The following CHIC1 variants were observed in gnomAD, a reference collection of about 807,000 sequenced individuals.
The protein encoded by CHIC1 is cysteine-rich hydrophobic domain-containing protein 1.
In CHIC1, 7 loss-of-function variants were observed where a neutral mutation model predicts 18.5. The ratio of observed to expected loss-of-function variants is 0.38; its 90% confidence interval spans 0.22 to 0.71. CHIC1 has a LOEUF of 0.71. Among genes scored for constraint, CHIC1 ranks in the 30% least tolerant of loss-of-function variants. The probability of loss-of-function intolerance (pLI) is 0.49; values close to 1 mark genes in which losing one functional copy is unlikely to be tolerated. For missense variants in CHIC1, 159 were observed against 176.9 expected, an observed-to-expected ratio of 0.90 and a Z score of 0.57; for synonymous variants, 77 against 73.5, an observed-to-expected ratio of 1.05 and a Z score of -0.25.
intron 3 of CHIC1, among the ~76,000 whole-genome samples, chrX:73,676,451 G>A (rs12556601): frequency 0.21 from 23,449 of 109,895 alleles, 2,386 homozygotes; most frequent in African/African-American, 0.38. Context: ...TTTTTTCTCT[G>A]AACTTCTCTT....
chrX:73,655,309 T>C (rs1287311365), intron 3 of CHIC1, among the ~76,000 whole-genome samples: 1 of 104,547 alleles, frequency 9.6e-6, no homozygotes, highest in Non-Finnish European at 2.0e-5. Context: ...TGTGTGTATG[T>C]ATATATATAC....
rs1372127738 is a variant in CHIC1, at chrX:73,605,342, A to G, written c.507+20770A>G. 3.7e-5 allele frequency among the ~76,000 whole-genome samples: 4 copies of G among 106,791 alleles called. 1 individual carries two copies. Among genetic ancestry groups the G allele is most frequent in the African/African-American group, 1.5e-4 (4 of 27,276 alleles). 92.7% of individuals were successfully genotyped at this position (106,791 alleles called of 115,157 possible). A position where few individuals can be genotyped will look rare whatever the true frequency, so the allele number is the denominator to read the frequency against. On this transcript the variant is annotated intron_variant, in intron 3 of 5. Transcript: ENST00000373502. ...CAACTCCTGCTTTTTTTGGCCTTCT[A>G]TTTGCTTGGTAAATATTTCTGCATC...
At chrX:73,663,644 C>T (rs1329628517) in intron 3 of CHIC1, among the ~76,000 whole-genome samples, 1 of 110,844 alleles carries the variant, frequency 9.0e-6, no homozygotes, top group African/African-American at 3.3e-5. Context: ...ATGTCCGCCC[C>T]TGTGTCCAAT....
intron 3 of CHIC1, among the ~76,000 whole-genome samples, chrX:73,611,002 T>C (rs1435065784): frequency 9.2e-6 from 1 of 108,126 alleles, no homozygotes; most frequent in Non-Finnish European, 1.9e-5. Context: ...ATTTTGTTTC[T>C]CTTTTTAGAA....
chrX:73,601,240 A>T (rs1360741322), intron 3 of CHIC1, among the ~76,000 whole-genome samples: 2 of 105,127 alleles, frequency 1.9e-5, no homozygotes, highest in East Asian at 5.9e-4. Context: ...TCTCCACCCC[A>T]AATCAACAGA....
intron 2 of CHIC1, among the ~76,000 whole-genome samples, chrX:73,578,024 C>T (rs2057508584): frequency 9.2e-6 from 1 of 108,965 alleles, no homozygotes; most frequent in South Asian, 3.8e-4. Flanking sequence ...ATTTAAAGAC[C>T]TAATGCACAG....
At chrX:73,572,730 G>T (rs983587492) in intron 1 of CHIC1, among the ~76,000 whole-genome samples, 3 of 111,149 alleles carry the variant, frequency 2.7e-5, no homozygotes, top group African/African-American at 6.5e-5. Flanking sequence ...TCATATGTTT[G>T]TTGGCCACTT....
At chrX:73,565,606 CAT>C (rs1418923686) in intron 1 of CHIC1, among the ~76,000 whole-genome samples, 5 of 111,966 alleles carry the variant, frequency 4.5e-5, no homozygotes, top group Non-Finnish European at 7.5e-5. Flanking sequence ...CTAGAAATCA[CAT>C]ATGATATTAA....
chrX:73,564,349 A>G (rs949609613), intron 1 of CHIC1, among the ~76,000 whole-genome samples: 3 of 112,214 alleles, frequency 2.7e-5, no homozygotes, highest in Non-Finnish European at 5.6e-5. Flanking sequence ...CAAGTATGAA[A>G]TATACAGGCA....
intron 1 of CHIC1, among the ~76,000 whole-genome samples, chrX:73,567,303 T>C (rs2057449431): frequency 9.1e-6 from 1 of 109,955 alleles, no homozygotes; most frequent in Non-Finnish European, 1.9e-5. Context: ...AAATTTGACA[T>C]AAACAAAAAC....
chrX:73,584,601 A>T, intron 3 of CHIC1, 29 bp downstream of exon 3: 1 of 1,041,906 alleles, frequency 9.6e-7, no homozygotes, highest in Non-Finnish European at 1.3e-6. Flanking sequence ...GTATAATAAT[A>T]ATAATAACTA....
chrX:73,682,241 A>C lies in CHIC1; in HGVS notation c.*1236A>C, dbSNP rs2058102147. The C allele has an allele frequency of 8.9e-6, 1 of 111,993 alleles. No individual in the cohort carries two copies. The highest frequency in any genetic ancestry group is 9.5e-5 in the Admixed American group (1 of 10,531). 9.2% of individuals were successfully genotyped at this position (111,993 alleles called of 1,213,427 possible). ...TTAGACAAAAGTATTTTAGTTTATA[A>C]ATTCAGCACATATGTAACATTTATT... On this transcript the variant is annotated 3_prime_UTR_variant, in exon 6 of 6. Transcript: ENST00000373502.
intron 1 of CHIC1, among the ~76,000 whole-genome samples, chrX:73,576,963 T>C (rs889838402): frequency 1.8e-5 from 2 of 110,390 alleles, no homozygotes; most frequent in African/African-American, 6.5e-5. Flanking sequence ...GTATTAGTTG[T>C]GGAGGGGTAG....
Position 73,577,432 on chromosome X carries a change from A to G in CHIC1, c.322A>G (p.Thr108Ala). Residue 108 changes from threonine to alanine, a missense_variant, in exon 2 of 6, where the codon ACT becomes GCT. By Grantham distance (58) the Thr-to-Ala change is moderately conservative. Transcript: ENST00000373502. ...TVFGLSNKFD[T>A]EFPSVLTGKV... The stretch of plus-strand genomic sequence containing the variant: ...GTTTGGCTTGAGCAACAAGTTTGAT[A>G]CTGAATTTCCCTCCGTTCTAACAGG... 8.3e-7 allele frequency: 1 copy of G among 1,199,351 alleles called. No individual in the cohort carries two copies. Among genetic ancestry groups the G allele is most frequent in the Non-Finnish European group, 1.1e-6 (1 of 885,908 alleles).
intron 3 of CHIC1, among the ~76,000 whole-genome samples, chrX:73,587,032 G>A (rs1485995434): frequency 8.9e-6 from 1 of 111,845 alleles, no homozygotes; most frequent in African/African-American, 3.2e-5. Flanking sequence ...AAAACAGGCA[G>A]CAAGCCAGAT....
chrX:73,616,419 C>T (rs968972848), intron 3 of CHIC1, among the ~76,000 whole-genome samples: 2 of 111,740 alleles, frequency 1.8e-5, no homozygotes, highest in African/African-American at 3.3e-5. Context: ...TGAGAGCTGT[C>T]GGTGGATCTA....
chrX:73,679,409 C>T (rs1338292828), intron 4 of CHIC1, 27 bp downstream of exon 4: 1 of 977,450 alleles, frequency 1.0e-6, no homozygotes, highest in Non-Finnish European at 1.4e-6. Context: ...ACATAAGTGC[C>T]CCATTCATAT....
rs1312155636 is a variant in CHIC1, at chrX:73,684,117, T to G, written c.*3112T>G. The stretch of plus-strand genomic sequence containing the variant: ...CTAGTGTATTATCTTTTATTTATTA[T>G]GTAAAGCTTCTTTCCTTCCTTTTCC... On this transcript the variant is annotated 3_prime_UTR_variant, in exon 6 of 6. Transcript: ENST00000373502. 1 of 111,923 alleles carries G rather than the reference T, an allele frequency of 8.9e-6. No individual in the cohort carries two copies. The highest frequency in any genetic ancestry group is 3.2e-5 in the African/African-American group (1 of 30,853). 9.2% of individuals were successfully genotyped at this position (111,923 alleles called of 1,213,427 possible).
intron 3 of CHIC1, among the ~76,000 whole-genome samples, chrX:73,639,287 T>G (rs1490073770): frequency 8.9e-6 from 1 of 112,048 alleles, no homozygotes. Context: ...TGATATTGAT[T>G]TTTTATGTGT....
Sources: gnomAD v4.1 joint callset for allele counts (sites outside exome capture counted in the v4.1 genomes callset) on GRCh38, gnomAD v4.1.1 for gene constraint, MANE v1.5 for transcripts, NCBI Gene and HGNC (gene_info 2026-07-23, HGNC 2026-07-21) for gene names.